STRN: variants seen among roughly 807,000 people sequenced by gnomAD.
The protein encoded by STRN is striatin.
STRN carries 53 observed loss-of-function variants against 96.3 expected under a neutral mutation model. The ratio of observed to expected loss-of-function variants is 0.55; its 90% CI spans 0.44 to 0.69. The LOEUF is 0.69. Ranked by LOEUF, STRN falls within the 30% of genes least tolerant of loss-of-function variation. The pLI is 0.00. For missense variants in STRN, 987 were observed against 963.9 expected, an observed-to-expected ratio of 1.02 and a Z score of -0.32; for synonymous variants, 428 against 355.9, an observed-to-expected ratio of 1.20 and a Z score of -2.28.
chr2:36,877,728 G>A (rs757158805), intron 10 of STRN, among the ~76,000 whole-genome samples, 163 bp downstream of exon 10: 4 of 152,174 alleles, frequency 2.6e-5, no homozygotes, highest in East Asian at 1.9e-4. Context: ...GTGAGACAGC[G>A]TTTCTCAATG....
intron 5 of STRN, among the ~76,000 whole-genome samples, chr2:36,902,049 T>C (rs1669696645): frequency 6.6e-6 from 1 of 152,228 alleles, no homozygotes; most frequent in African/African-American, 2.4e-5. Context: ...TAGAATCATA[T>C]GTAATTGTAT....
intron 1 of STRN, among the ~76,000 whole-genome samples, chr2:36,955,433 CCT>C (rs1364259777): frequency 6.6e-6 from 1 of 152,162 alleles, no homozygotes; most frequent in Non-Finnish European, 1.5e-5. Flanking sequence ...CGTGTGTATC[CCT>C]GTCAGCCCTA....
At chr2:36,882,698 G>A (rs1368301725) in intron 9 of STRN, among the ~76,000 whole-genome samples, 2 of 152,170 alleles carry the variant, frequency 1.3e-5, no homozygotes, top group Non-Finnish European at 1.5e-5. Flanking sequence ...GAGCCTGAGA[G>A]GTCAAGGTTG....
intron 1 of STRN, among the ~76,000 whole-genome samples, chr2:36,950,933 T>C (rs1487999682): frequency 2.6e-5 from 4 of 152,148 alleles, no homozygotes; most frequent in Non-Finnish European, 5.9e-5. Context: ...TTTATATTAT[T>C]TATTTTAAAA....
At chr2:36,946,706 A>G (rs1670994585) in intron 1 of STRN, among the ~76,000 whole-genome samples, 1 of 152,198 alleles carries the variant, frequency 6.6e-6, no homozygotes, top group Admixed American at 6.6e-5. Context: ...GTTTTTGTAT[A>G]TACATGTATT....
intron 10 of STRN, among the ~76,000 whole-genome samples, chr2:36,872,184 T>C (rs764821627): frequency 1.3e-5 from 2 of 152,224 alleles, no homozygotes; most frequent in Admixed American, 6.5e-5. Flanking sequence ...CAATAGAATA[T>C]AGCAGAAGTG....
chr2:36,876,218 C>T (rs2540922), intron 10 of STRN, among the ~76,000 whole-genome samples: 2,721 of 151,552 alleles, frequency 0.018, 220 homozygotes, highest in Admixed American at 0.15. Flanking sequence ...GTGCAGTGAG[C>T]TGAGATCAAG....
intron 8 of STRN, among the ~76,000 whole-genome samples, chr2:36,885,581 T>C (rs974177664): frequency 2.6e-5 from 4 of 152,170 alleles, no homozygotes; most frequent in Non-Finnish European, 5.9e-5. Context: ...TCTCTCATTA[T>C]GTAATGGTTT....
At chr2:36,941,813 A>T in intron 1 of STRN, among the ~76,000 whole-genome samples, 1 of 151,878 alleles carries the variant, frequency 6.6e-6, no homozygotes, top group East Asian at 1.9e-4. Context: ...TCGGCCTCCC[A>T]AAGTGCTGGG....
chr2:36,887,409 G>A (rs1361105075), intron 7 of STRN, among the ~76,000 whole-genome samples: 1 of 151,910 alleles, frequency 6.6e-6, no homozygotes, highest in Non-Finnish European at 1.5e-5. Flanking sequence ...GGCGGAGGTT[G>A]CAATGAGCCG....
intron 2 of STRN, among the ~76,000 whole-genome samples, chr2:36,919,715 T>C (rs908476142): frequency 3.3e-5 from 5 of 152,140 alleles, no homozygotes; most frequent in Non-Finnish European, 5.9e-5. Context: ...ATGGAAATAC[T>C]AGAAGCAAGG....
At chr2:36,898,411 C>T (rs1171580026) in intron 6 of STRN, among the ~76,000 whole-genome samples, 1 of 152,130 alleles carries the variant, frequency 6.6e-6, no homozygotes, top group Admixed American at 6.6e-5. Context: ...CAAATAATTT[C>T]CAAGGCAGGG....
rs146751923 is a variant in STRN, at chr2:36,855,255, T to C, written c.1935A>G (p.Glu645=). Residue 645 remains glutamate (E), a synonymous_variant, in exon 15 of 18, where the codon GAA becomes GAG. Coordinates refer to ENST00000263918, the MANE Select transcript of STRN (RefSeq NM_003162.4). The part of the protein sequence containing the change: ...SKGYTSIFNM[E]TQQRILTLES... The stretch of plus-strand genomic sequence containing the variant: ...CTAAAGTGAGAATGCGTTGTTGTGT[T>C]TCCATGTTAAAAATGCTTGTATATC... 477 of 1,613,936 alleles carry C rather than the reference T, an allele frequency of 3.0e-4. No individual in the cohort carries two copies. The African/African-American group carries it at 5.7e-3, about 19-fold the overall frequency.
chr2:36,869,529 T>C, intron 11 of STRN, 25 bp downstream of exon 11: 1 of 1,454,616 alleles, frequency 6.9e-7, no homozygotes, highest in Non-Finnish European at 9.1e-7. Context: ...AATATTCAAA[T>C]AATGTTAAAG....
In STRN at chr2:36,861,025, T is replaced by A. The variant is rs537424243; in HGVS notation, c.1669+107A>T. 422 of 1,323,238 alleles carry A rather than the reference T, an allele frequency of 3.2e-4. 4 individuals carry two copies. The South Asian group carries it at 4.8e-3, about 15-fold the overall frequency. The allele number at this position is 1,323,238 out of a possible 1,614,324, so 82.0% of individuals were successfully genotyped here. ...AACAAAATAAAGATGTGGTTCTCTT[T>A]ACCTATTTATTTTCAAAAATCTCTT... On this transcript the variant is annotated intron_variant, in intron 13 of 17. Coordinates refer to ENST00000263918, the MANE Select transcript of STRN (RefSeq NM_003162.4).
In STRN at chr2:36,961,115, C is replaced by CTTTTTT. The variant is rs551915869; in HGVS notation, c.234+5109_234+5114dup. Among the ~76,000 whole-genome samples, 112 of 60,312 alleles carry CTTTTTT rather than the reference C, an allele frequency of 1.9e-3. 14 individuals carry two copies. Among genetic ancestry groups the CTTTTTT allele is most frequent in the Non-Finnish European group, 2.5e-3 (84 of 33,896 alleles). The allele number at this position is 60,312 out of a possible 152,430, so 39.6% of individuals were successfully genotyped here. On this transcript the variant is annotated intron_variant, in intron 1 of 17. Coordinates refer to ENST00000263918, the MANE Select transcript of STRN (RefSeq NM_003162.4). ...GCTTCACCATGTTGCCCAGGCTGCA[C>CTTTTTT]TTTTTTTTTTTTTTTTTTTTTTTTT...
intron 3 of STRN, among the ~76,000 whole-genome samples, chr2:36,915,714 C>G (rs1032359313): frequency 6.6e-6 from 1 of 152,190 alleles, no homozygotes; most frequent in Non-Finnish European, 1.5e-5. Flanking sequence ...ATTTCCTAAT[C>G]TTTCTCAGGA....
intron 13 of STRN, 71 bp from the exon 14 acceptor site, chr2:36,858,094 T>A: frequency 7.6e-7 from 1 of 1,309,812 alleles, no homozygotes; most frequent in Non-Finnish European, 1.0e-6. Context: ...TCAGAGAAAG[T>A]AAAATATATA....
At chr2:36,935,224 C>G (rs1670673106) in intron 1 of STRN, among the ~76,000 whole-genome samples, 1 of 152,158 alleles carries the variant, frequency 6.6e-6, no homozygotes, top group Non-Finnish European at 1.5e-5. Context: ...CTTTCATTTT[C>G]GGATTCTACC....
Sources: gnomAD v4.1 joint callset for allele counts (sites outside exome capture counted in the v4.1 genomes callset) on GRCh38, gnomAD v4.1.1 for gene constraint, MANE v1.5 for transcripts, NCBI Gene and HGNC (gene_info 2026-07-23, HGNC 2026-07-21) for gene names.